The following KLC2 variants were observed in gnomAD, a reference collection of about 807,000 sequenced individuals.
KLC2 encodes KLC 2.
Under a neutral mutation model 75.1 loss-of-function variants are expected in KLC2, and 35 were observed. That is an observed-to-expected ratio of 0.47 (90% confidence interval 0.36 to 0.62). The LOEUF is 0.62. Ranked by LOEUF, KLC2 falls within the 20% of genes least tolerant of loss-of-function variation. The probability of loss-of-function intolerance (pLI) is 0.00; values close to 1 mark genes in which losing one functional copy is unlikely to be tolerated. For missense variants in KLC2, 611 were observed against 833.2 expected (o/e 0.73, Z 3.28); for synonymous variants, 314 against 336.7 (o/e 0.93, Z 0.74).
At position 66,257,977 on chromosome 11, in the gene KLC2, G is replaced by A. The variant is rs181377281; in HGVS notation, c.-12+106G>A. The A allele has an allele frequency of 3.7e-3, 561 of 152,720 alleles. 4 individuals carry two copies. The highest frequency in any genetic ancestry group is 0.013 in the African/African-American group (534 of 41,572). The allele number at this position is 152,720 out of a possible 1,614,324, so 9.5% of individuals were successfully genotyped here. ...GGGTCGTCATGGGCGCGGCCTGTGG[G>A]AGGATCGGGCCAGCCCTGGTAGGGG... On this transcript the variant is annotated intron_variant, in intron 1 of 15. Transcript: ENST00000394067.
At chr11:66,255,432 G>A (rs1306745212), upstream of KLC2, among the ~76,000 whole-genome samples, 1 of 152,170 alleles carries the variant, frequency 6.6e-6, no homozygotes, top group Non-Finnish European at 1.5e-5. Flanking sequence ...CAAGCAATCT[G>A]CCCGCCTTGG....
Position 66,267,393 on chromosome 11 carries a change from C to T in KLC2, c.*437C>T, listed in dbSNP as rs979179886. 9.7e-6 allele frequency: 7 copies of T among 718,828 alleles called. No individual in the cohort carries two copies. Among genetic ancestry groups the T allele is most frequent in the Middle Eastern group, 2.3e-4 (1 of 4,398 alleles). The allele number at this position is 718,828 out of a possible 1,614,324, so 44.5% of individuals were successfully genotyped here. ...CCTCCCTTCAGTCCACGGTACTACC[C>T]GGGCCTCCCCTCGTCCCTCTTCTAG... On this transcript the variant is annotated 3_prime_UTR_variant, in exon 16 of 16. Transcript: ENST00000394067.
the KLC2 span, among the ~76,000 whole-genome samples, chr11:66,250,239 T>G: frequency 6.6e-6 from 1 of 152,132 alleles, no homozygotes; most frequent in African/African-American, 2.4e-5. Flanking sequence ...AATGTCTCTG[T>G]ACCACATTCG....
At position 66,267,682 on chromosome 11, in the gene KLC2, A is replaced by AC; in HGVS notation, c.*730dup. 2.4e-6 allele frequency: 1 copy of AC among 409,078 alleles called. No homozygotes were observed. Among genetic ancestry groups the AC allele is most frequent in the South Asian group, 3.5e-5 (1 of 28,862 alleles). 25.3% of individuals were successfully genotyped at this position (409,078 alleles called of 1,614,324 possible). A position where few individuals can be genotyped will look rare whatever the true frequency, so the allele number is the denominator to read the frequency against. On this transcript the variant is annotated 3_prime_UTR_variant, in exon 16 of 16. Coordinates refer to ENST00000394067, the MANE Select transcript of KLC2 (RefSeq NM_001318734.2). ...ACCCGGCCCCGCCCAGGCACGGCCGACCCCGCCCCGGGCACCGCCCACCGA... is the reference window on the plus strand; with the variant it reads ...ACCCGGCCCCGCCCAGGCACGGCCGACCCCCGCCCCGGGCACCGCCCACCGA...
In KLC2 at chr11:66,267,294, G is replaced by A. The variant is rs1856901508; in HGVS notation, c.*338G>A. The stretch of plus-strand genomic sequence containing the variant: ...ACACTAAGCACTCGCCGGCCCTTCG[G>A]CACCCTCGCCCTCCCTCCCGACTCA... On this transcript the variant is annotated 3_prime_UTR_variant, in exon 16 of 16. Transcript: ENST00000394067. 2.9e-6 allele frequency: 3 copies of A among 1,022,818 alleles called. No individual in the cohort carries two copies. Among genetic ancestry groups the A allele is most frequent in the Non-Finnish European group, 4.5e-6 (3 of 664,770 alleles). 63.4% of individuals were successfully genotyped at this position (1,022,818 alleles called of 1,614,324 possible).
Position 66,266,023 on chromosome 11 carries a change from G to A in KLC2, c.1602+11G>A, listed in dbSNP as rs1355862528. On this transcript the variant is annotated intron_variant, in intron 13 of 15. Coordinates refer to ENST00000394067, the MANE Select transcript of KLC2 (RefSeq NM_001318734.2). ...GCTGAGTGGAATGGGGTGAGTCCGG[G>A]GCCTGGGCCGGGTCGGGCTGGGAGC... The A allele has an allele frequency of 6.2e-7, 1 of 1,613,348 alleles. No homozygotes were observed. The highest frequency in any genetic ancestry group is 8.5e-7 in the Non-Finnish European group (1 of 1,179,530).
upstream of KLC2, among the ~76,000 whole-genome samples, chr11:66,256,061 C>T (rs1565165268): frequency 6.6e-6 from 1 of 152,066 alleles, no homozygotes; most frequent in Non-Finnish European, 1.5e-5. Context: ...CCACTGAGCC[C>T]AGTCTTTGTA....
rs1385197974 is a variant in KLC2, at chr11:66,266,230, C to A, written c.1727+13C>A. On this transcript the variant is annotated intron_variant, in intron 14 of 15. Coordinates refer to ENST00000394067, the MANE Select transcript of KLC2 (RefSeq NM_001318734.2). ...CCCCTAACCCCAGGTGAGCCCCCCA[C>A]CAAGGTGAGCCTCAAGAACCACCCA... The A allele has an allele frequency of 1.3e-6, 2 of 1,589,196 alleles. No individual in the cohort carries two copies. Among genetic ancestry groups the A allele is most frequent in the African/African-American group, 2.7e-5 (2 of 74,104 alleles).
chr11:66,266,637 C>T (rs756563928), intron 15 of KLC2, 147 bp downstream of exon 15: 30 of 932,312 alleles, frequency 3.2e-5, no homozygotes, highest in Non-Finnish European at 4.5e-5. Flanking sequence ...CGGGGAGACA[C>T]GAGGGGAACC....
rs766424682 is a variant in KLC2 at position 66,263,650 on chromosome 11, C to A, written c.753-10C>A. The A allele has an allele frequency of 6.2e-7, 1 of 1,608,044 alleles. No homozygotes were observed. Among genetic ancestry groups the A allele is most frequent in the East Asian group, 2.2e-5 (1 of 44,840 alleles). ...AGGACAGCCCTGACCATGCTCCTAC[C>A]TGCTCCCAGGGATCAGAACAAGTAC... On this transcript the variant is annotated splice_polypyrimidine_tract_variant and intron_variant, in intron 5 of 15. Coordinates refer to ENST00000394067, the MANE Select transcript of KLC2 (RefSeq NM_001318734.2).
In KLC2 at chr11:66,258,499, G is replaced by C. The variant is rs543935575; in HGVS notation, c.-11-85G>C. On this transcript the variant is annotated intron_variant, in intron 1 of 15. Transcript: ENST00000394067. ...GGCACACGGGAGACTCAGGCGTCCG[G>C]GGACCGCCTGTTTACCTAATCCGGG... 1.0e-3 allele frequency: 902 copies of C among 898,488 alleles called. 2 individuals are homozygous for C. The Middle Eastern group carries it at 0.012, about 12-fold the overall frequency. 55.7% of individuals were successfully genotyped at this position (898,488 alleles called of 1,614,324 possible).
Position 66,263,914 on chromosome 11 carries a change from G to A in KLC2, c.904G>A (p.Glu302Lys), listed in dbSNP as rs1432569735. ...YGKRGKYKEA[E>K]PLCKRALEIR... ...CAAGAGGGGCAAGTACAAGGAGGCTGAGCCATTGTGCAAGCGGGCACTGGA... is the reference window on the plus strand; with the variant it reads ...CAAGAGGGGCAAGTACAAGGAGGCTAAGCCATTGTGCAAGCGGGCACTGGA... Residue 302 changes from glutamate (E) to lysine (K), a missense_variant, in exon 7 of 16, where the codon GAG becomes AAG. Transcript: ENST00000394067. The A allele has an allele frequency of 2.5e-6, 4 of 1,614,220 alleles. No individual in the cohort carries two copies. Among genetic ancestry groups the A allele is most frequent in the East Asian group, 2.2e-5 (1 of 44,890 alleles).
At chr11:66,265,455 C>T in intron 11 of KLC2, 200 bp from the exon 12 acceptor site, 2 of 670,046 alleles carry the variant, frequency 3.0e-6, no homozygotes, top group South Asian at 3.9e-5. Flanking sequence ...CATGAGGGCC[C>T]TGGGGCCAGG....
chr11:66,250,349 G>C, the KLC2 span, among the ~76,000 whole-genome samples: 1 of 152,170 alleles, frequency 6.6e-6, no homozygotes, highest in East Asian at 1.9e-4. Context: ...GGTTGGTTCA[G>C]TGCATGAGTG....
chr11:66,251,570 C>T, the KLC2 span, among the ~76,000 whole-genome samples: 5 of 136,644 alleles, frequency 3.7e-5, 1 homozygote, highest in Admixed American at 2.1e-4. Context: ...GTCAGGAGTT[C>T]GAAACCAGCC....
At chr11:66,266,697 C>G in intron 15 of KLC2, 176 bp from the exon 16 acceptor site, 1 of 839,016 alleles carries the variant, frequency 1.2e-6, no homozygotes, top group Non-Finnish European at 2.0e-6. Context: ...AACACCGTCA[C>G]TGTGGAGATG....
chr11:66,261,850 C>G lies in KLC2; in HGVS notation c.337C>G (p.Leu113Val). 3 of 1,613,968 alleles carry G rather than the reference C, an allele frequency of 1.9e-6. No homozygotes were observed. Among genetic ancestry groups the G allele is most frequent in the Non-Finnish European group, 2.5e-6 (3 of 1,180,000 alleles). The part of the protein sequence containing the change: ...VQENQWLREE[L>V]AGTQQKLQRS... ...GGAGAACCAGTGGCTGCGTGAGGAG[C>G]TGGCGGGGACACAGCAGAAGCTGCA... The change falls in exon 3 of 16, where the codon CTG (leucine) becomes GTG (valine). Residue 113 changes from leucine (L) to valine (V), a missense_variant. Transcript: ENST00000394067.
the KLC2 span, among the ~76,000 whole-genome samples, chr11:66,249,235 C>A: frequency 6.6e-6 from 1 of 152,192 alleles, no homozygotes; most frequent in African/African-American, 2.4e-5. Context: ...CCCTTCTCAG[C>A]GCAGCCTGTG....
At chr11:66,254,691 T>G (rs911562225), upstream of KLC2, among the ~76,000 whole-genome samples, 2 of 143,232 alleles carry the variant, frequency 1.4e-5, no homozygotes, top group African/African-American at 5.1e-5. Flanking sequence ...AAAAGTCCAC[T>G]TTGGGAGGCC....
Sources: allele counts gnomAD v4.1 joint callset (sites outside exome capture counted in the v4.1 genomes callset), GRCh38; gene constraint gnomAD v4.1.1; transcripts MANE v1.5; gene names NCBI Gene and HGNC (gene_info 2026-07-23, HGNC 2026-07-21).